Variants in PABPC4L observed in about 807,000 individuals in gnomAD.
The protein encoded by PABPC4L is poly(A) binding protein cytoplasmic 4 like.
For missense variants in PABPC4L, 452 were observed against 451.4 expected (o/e 1.00, Z -0.01); for synonymous variants, 169 against 164.1 (o/e 1.03, Z -0.23).
chr4:134,128,708 A>C, the PABPC4L span, among the ~76,000 whole-genome samples: 1 of 152,168 alleles, frequency 6.6e-6, no homozygotes, highest in East Asian at 1.9e-4. Context: ...AATCTTCTTA[A>C]AGCATAAATC....
chr4:134,050,391 G>A, the PABPC4L span, among the ~76,000 whole-genome samples: 2 of 152,034 alleles, frequency 1.3e-5, no homozygotes, highest in Non-Finnish European at 2.9e-5. Context: ...AGCATGAATG[G>A]ACACTGTAAA....
the PABPC4L span, among the ~76,000 whole-genome samples, chr4:134,114,731 T>C: frequency 1.3e-5 from 2 of 151,840 alleles, no homozygotes; most frequent in African/African-American, 2.4e-5. Flanking sequence ...AACTTTTATG[T>C]GAAGGCAAAC....
the PABPC4L span, among the ~76,000 whole-genome samples, chr4:134,147,465 A>T: frequency 6.6e-6 from 1 of 152,114 alleles, no homozygotes; most frequent in African/African-American, 2.4e-5. Flanking sequence ...TTTTGAGGAG[A>T]TGTGTGAAAT....
chr4:134,029,026 C>T, the PABPC4L span, among the ~76,000 whole-genome samples: 1 of 151,932 alleles, frequency 6.6e-6, no homozygotes, highest in African/African-American at 2.4e-5. Flanking sequence ...CTTTGGAAGG[C>T]TTTTTATGTA....
At chr4:134,070,117 T>G in the PABPC4L span, among the ~76,000 whole-genome samples, 1 of 151,216 alleles carries the variant, frequency 6.6e-6, no homozygotes, top group Non-Finnish European at 1.5e-5. Flanking sequence ...CCTCCAGGAA[T>G]GTGTGCTGTG....
the PABPC4L span, among the ~76,000 whole-genome samples, chr4:134,051,489 C>A: frequency 6.6e-6 from 1 of 152,254 alleles, no homozygotes; most frequent in Non-Finnish European, 1.5e-5. Flanking sequence ...GAGAACTCCA[C>A]TGCCAATTGA....
the PABPC4L span, among the ~76,000 whole-genome samples, chr4:133,985,009 G>A: frequency 2.0e-5 from 3 of 151,892 alleles, no homozygotes; most frequent in East Asian, 1.9e-4. Flanking sequence ...ATCTTTAGCC[G>A]AATAAAGTAT....
At chr4:134,159,664 T>A in the PABPC4L span, among the ~76,000 whole-genome samples, 1 of 152,136 alleles carries the variant, frequency 6.6e-6, no homozygotes, top group Non-Finnish European at 1.5e-5. Context: ...ATGGGCTGAC[T>A]AACGTGGCCA....
the PABPC4L span, among the ~76,000 whole-genome samples, chr4:134,064,146 ATT>A: frequency 6.6e-6 from 1 of 152,026 alleles, no homozygotes; most frequent in Non-Finnish European, 1.5e-5. Flanking sequence ...TGTAATACAA[ATT>A]TGGGGAGGAA....
At chr4:133,993,932 G>A in the PABPC4L span, among the ~76,000 whole-genome samples, 2 of 152,050 alleles carry the variant, frequency 1.3e-5, no homozygotes, top group African/African-American at 4.8e-5. Flanking sequence ...GCTGTCTCAA[G>A]GTTCTGTAAT....
chr4:134,005,263 T>G, the PABPC4L span, among the ~76,000 whole-genome samples: 1 of 151,902 alleles, frequency 6.6e-6, no homozygotes, highest in Non-Finnish European at 1.5e-5. Flanking sequence ...AAATATTTTT[T>G]GTGTGACTCT....
At chr4:134,056,263 G>A in the PABPC4L span, among the ~76,000 whole-genome samples, 13 of 151,848 alleles carry the variant, frequency 8.6e-5, no homozygotes, top group Admixed American at 8.6e-4. Flanking sequence ...CTTGAAATTG[G>A]TTAGAGTGTT....
chr4:133,949,132 T>C, the PABPC4L span, among the ~76,000 whole-genome samples: 108 of 152,302 alleles, frequency 7.1e-4, no homozygotes, highest in African/African-American at 2.3e-3. Context: ...CTTATATATA[T>C]GTATTTTATC....
the PABPC4L span, among the ~76,000 whole-genome samples, chr4:134,063,234 C>T: frequency 1.3e-5 from 2 of 151,950 alleles, no homozygotes; most frequent in Admixed American, 6.6e-5. Flanking sequence ...TGAGAAATGC[C>T]AAGAAGCTAA....
the PABPC4L span, among the ~76,000 whole-genome samples, chr4:134,050,624 G>A: frequency 1.3e-5 from 2 of 148,926 alleles, no homozygotes; most frequent in African/African-American, 4.9e-5. Flanking sequence ...AGAATCACTT[G>A]AATCTGGGAG....
the PABPC4L span, among the ~76,000 whole-genome samples, chr4:134,060,373 G>T: frequency 6.6e-6 from 1 of 151,698 alleles, no homozygotes; most frequent in South Asian, 2.1e-4. Context: ...GCAACTAAGG[G>T]AGCACTTGTG....
chr4:133,991,603 A>C, the PABPC4L span, among the ~76,000 whole-genome samples: 1 of 152,170 alleles, frequency 6.6e-6, no homozygotes, highest in Non-Finnish European at 1.5e-5. Context: ...ATTCAGTAAA[A>C]GAGGCCACAG....
the PABPC4L span, among the ~76,000 whole-genome samples, chr4:134,097,396 C>T: frequency 6.6e-6 from 1 of 151,964 alleles, no homozygotes; most frequent in African/African-American, 2.4e-5. Flanking sequence ...CTTACAAACA[C>T]CAAATGGAAA....
chr4:134,038,552 A>T, the PABPC4L span, among the ~76,000 whole-genome samples: 2 of 151,798 alleles, frequency 1.3e-5, no homozygotes, highest in Non-Finnish European at 2.9e-5. Flanking sequence ...AGTCTTGGGA[A>T]GGTGTATGTG....
Sources: allele counts gnomAD v4.1 joint callset (sites outside exome capture counted in the v4.1 genomes callset), GRCh38; gene constraint gnomAD v4.1.1; transcripts MANE v1.5; gene names NCBI Gene and HGNC (gene_info 2026-07-23, HGNC 2026-07-21).